The following INO80D variants were observed in gnomAD, a reference collection of about 807,000 sequenced individuals.
INO80D encodes the protein INO80 complex subunit D.
In INO80D, 21 loss-of-function variants were observed where a neutral mutation model predicts 87.6. The observed-to-expected ratio is 0.24, with a 90% CI of 0.17 to 0.35. The LOEUF is 0.35. INO80D is among the 10% of genes least tolerant of loss of function. The pLI, the probability that INO80D is intolerant of heterozygous loss-of-function variation, is 1.00. For missense variants in INO80D, 982 were observed against 1,280.7 expected (o/e 0.77, Z 3.56); for synonymous variants, 440 against 491.0 (o/e 0.90, Z 1.37).
chr2:206,006,477 G>A (rs818023), intron 10 of INO80D, among the ~76,000 whole-genome samples: 49,303 of 151,608 alleles, frequency 0.33, 8,663 homozygotes, highest in South Asian at 0.58. Flanking sequence ...GAGGTTGAGA[G>A]TTCGAGACCA....
chr2:206,040,577 G>A (rs775049022), intron 5 of INO80D: 3 of 262,736 alleles, frequency 1.1e-5, no homozygotes, highest in South Asian at 4.9e-5. Context: ...GGAATTGATC[G>A]CTATCCCTGC....
At chr2:206,060,620 G>A (rs1689663926) in intron 3 of INO80D, among the ~76,000 whole-genome samples, 1 of 151,442 alleles carries the variant, frequency 6.6e-6, no homozygotes, top group Admixed American at 6.6e-5. Context: ...GAGTGCAATG[G>A]CGCGATCTCC....
chr2:206,005,539 T>G lies in INO80D; in HGVS notation c.1919-6A>C. 1 of 1,604,008 alleles carries G rather than the reference T, an allele frequency of 6.2e-7. No individual in the cohort carries two copies. Among genetic ancestry groups the G allele is most frequent in the Non-Finnish European group, 8.5e-7 (1 of 1,175,932 alleles). On this transcript the variant is annotated splice_region_variant and splice_polypyrimidine_tract_variant and intron_variant, in intron 10 of 10. Transcript: ENST00000403263. ...GAGGAGGTCTCCATTCTTCCCTGAG[T>G]CAACAAAAGCCATCGACAATCAGTA...
chr2:206,005,581 T>C lies in INO80D; in HGVS notation c.1919-48A>G. 2.2e-6 allele frequency: 3 copies of C among 1,357,532 alleles called. No homozygotes were observed. The South Asian group carries it at 3.8e-5, about 17-fold the overall frequency. The allele number at this position is 1,357,532 out of a possible 1,614,324, so 84.1% of individuals were successfully genotyped here. On this transcript the variant is annotated intron_variant, in intron 10 of 10. Transcript: ENST00000403263. ...CAATCAGTAGAGCTTTTACCAGTTC[T>C]ACATCACAAAAATCACACATTTGAA...
At chr2:206,020,978 T>G (rs1415036910) in intron 6 of INO80D, among the ~76,000 whole-genome samples, 1 of 151,456 alleles carries the variant, frequency 6.6e-6, no homozygotes, top group Non-Finnish European at 1.5e-5. Context: ...TTGAGACCAG[T>G]CTGGGCAACA....
chr2:206,080,639 G>A (rs1204193487), intron 1 of INO80D, among the ~76,000 whole-genome samples: 4 of 152,012 alleles, frequency 2.6e-5, no homozygotes, highest in Non-Finnish European at 5.9e-5. Flanking sequence ...CGGGCGCGGT[G>A]GCTCACGCCT....
intron 5 of INO80D, among the ~76,000 whole-genome samples, chr2:206,043,544 GTGGCACGATCTCGGCTCAC>G (rs540647653): frequency 5.1e-4 from 77 of 151,822 alleles, no homozygotes; most frequent in Middle Eastern, 3.4e-3. Context: ...CTGGAGTGCA[GTGGCACGATCTCGGCTCAC>G]TGCAAGCTCC....
chr2:206,010,088 C>T (rs1688131993), intron 8 of INO80D, among the ~76,000 whole-genome samples: 2 of 151,764 alleles, frequency 1.3e-5, no homozygotes, highest in East Asian at 1.9e-4. Flanking sequence ...CACACACACG[C>T]ACACACACGG....
At chr2:206,017,240 GA>G (rs1327256004) in intron 8 of INO80D, among the ~76,000 whole-genome samples, 2 of 152,138 alleles carry the variant, frequency 1.3e-5, no homozygotes, top group African/African-American at 4.8e-5. Context: ...CTTGATGGAT[GA>G]AAACAATAAA....
intron 4 of INO80D, among the ~76,000 whole-genome samples, chr2:206,051,410 G>A (rs1162791043): frequency 2.0e-5 from 3 of 151,854 alleles, no homozygotes; most frequent in African/African-American, 7.3e-5. Flanking sequence ...AAAAACAAAG[G>A]AGAGGAGGGA....
At chr2:206,037,020 G>C (rs1688913257) in intron 5 of INO80D, among the ~76,000 whole-genome samples, 1 of 152,096 alleles carries the variant, frequency 6.6e-6, no homozygotes, top group Non-Finnish European at 1.5e-5. Context: ...GTAGAGAATT[G>C]AGAAGAGAAA....
rs971259338 is a variant in INO80D at position 206,060,752 on chromosome 2, G to T, written c.218+2047C>A. 3.9e-5 allele frequency among the ~76,000 whole-genome samples: 6 copies of T among 152,006 alleles called. No homozygotes were observed. In the East Asian group the frequency reaches 1.2e-3, roughly 30 times the overall value. ...ATTTTGTATTTTTAGTAGAGACGGGGTTTCTCCATGTTGGTCAGGGTGGTC... is the reference window on the plus strand; with the variant it reads ...ATTTTGTATTTTTAGTAGAGACGGGTTTTCTCCATGTTGGTCAGGGTGGTC... On this transcript the variant is annotated intron_variant, in intron 3 of 10. Transcript: ENST00000403263.
intron 1 of INO80D, among the ~76,000 whole-genome samples, chr2:206,064,234 T>G (rs1312513903): frequency 6.6e-6 from 1 of 152,096 alleles, no homozygotes; most frequent in Admixed American, 6.6e-5. Flanking sequence ...AGGAGGGAAT[T>G]ACACAATACT....
At chr2:206,076,059 A>G (rs1173044942) in intron 1 of INO80D, among the ~76,000 whole-genome samples, 1 of 151,718 alleles carries the variant, frequency 6.6e-6, no homozygotes, top group Non-Finnish European at 1.5e-5. Flanking sequence ...CTCAAAAAAA[A>G]AAAAAAAAAC....
intron 5 of INO80D, among the ~76,000 whole-genome samples, chr2:206,035,603 A>T (rs567882699): frequency 6.6e-6 from 1 of 152,330 alleles, no homozygotes; most frequent in East Asian, 1.9e-4. Flanking sequence ...TTAAGGACTT[A>T]AATCTAACAC....
chr2:206,044,891 T>A (rs897790897), intron 5 of INO80D, among the ~76,000 whole-genome samples: 3 of 152,172 alleles, frequency 2.0e-5, no homozygotes, highest in Non-Finnish European at 4.4e-5. Context: ...ACTGATGGTA[T>A]CTATAACTAA....
At chr2:206,053,984 C>T (rs1341250704) in intron 4 of INO80D, among the ~76,000 whole-genome samples, 3 of 151,820 alleles carry the variant, frequency 2.0e-5, no homozygotes, top group Non-Finnish European at 4.4e-5. Context: ...GGATTACAGG[C>T]GCACACCACC....
chr2:206,064,607 T>C (rs1383817755), intron 1 of INO80D, among the ~76,000 whole-genome samples: 2 of 152,174 alleles, frequency 1.3e-5, no homozygotes, highest in Non-Finnish European at 2.9e-5. Context: ...GGGATAATAA[T>C]AGTAGCTATG....
rs1446085197 is a variant in INO80D at position 205,998,276 on chromosome 2, G to A, written c.*6092C>T. ...TGTAAACCACAGATCATTTACTAAA[G>A]AACATGATTCTCAACAGTTCTAGGA... On this transcript the variant is annotated 3_prime_UTR_variant, in exon 11 of 11. Transcript: ENST00000403263. The A allele has an allele frequency of 6.6e-6, 1 of 151,924 alleles. No homozygotes were observed. The highest frequency in any genetic ancestry group is 2.4e-5 in the African/African-American group (1 of 41,360). 9.4% of individuals were successfully genotyped at this position (151,924 alleles called of 1,614,324 possible).
Sources: allele counts gnomAD v4.1 joint callset (sites outside exome capture counted in the v4.1 genomes callset), GRCh38; gene constraint gnomAD v4.1.1; transcripts MANE v1.5; gene names NCBI Gene and HGNC (gene_info 2026-07-23, HGNC 2026-07-21).